Variants in NXPH1 observed in about 807,000 individuals in gnomAD.
NXPH1 encodes neurexophilin 1, also known as neurexophilin-1.
Under a neutral mutation model 23.7 loss-of-function variants are expected in NXPH1, and 5 were observed. That is an observed-to-expected ratio of 0.21 (90% CI 0.11 to 0.44). The LOEUF is 0.44. Among genes scored for constraint, NXPH1 ranks in the 20% least tolerant of loss-of-function variants. The pLI is 0.99. For synonymous variants in NXPH1, 144 were observed against 122.2 expected, an observed-to-expected ratio of 1.18 and a Z score of -1.18; for missense variants, 324 against 321.6, an observed-to-expected ratio of 1.01 and a Z score of -0.06.
At chr7:8,638,873 G>A (rs998882002) in intron 2 of NXPH1, among the ~76,000 whole-genome samples, 12 of 152,012 alleles carry the variant, frequency 7.9e-5, no homozygotes, top group Non-Finnish European at 1.3e-4. Flanking sequence ...TACGATCTTT[G>A]GGGACAGCTA....
rs927744386 is a variant in NXPH1, at chr7:8,544,688, A to G, written c.54+108921A>G. Among the ~76,000 whole-genome samples the G allele has an allele frequency of 1.1e-4, 17 of 151,680 alleles. No homozygotes were observed. In the East Asian group the frequency reaches 2.5e-3, roughly 23 times the overall value. On this transcript the variant is annotated intron_variant, in intron 2 of 2. Transcript: ENST00000405863. ...ATTATGCTTCTTAAAAATTTTACTT[A>G]TCAGTTCTAAAGTGCCTGTTTCTTT... is the stretch of plus-strand genomic sequence containing the variant.
At chr7:8,642,461 C>T (rs942830608) in intron 2 of NXPH1, among the ~76,000 whole-genome samples, 1 of 152,006 alleles carries the variant, frequency 6.6e-6, no homozygotes, top group African/African-American at 2.4e-5. Flanking sequence ...GCATGTTTTC[C>T]TTCATTTGGC....
chr7:8,481,731 G>T (rs761277910), intron 2 of NXPH1, among the ~76,000 whole-genome samples: 2 of 152,132 alleles, frequency 1.3e-5, no homozygotes, highest in Non-Finnish European at 2.9e-5. Context: ...TGTTACCTGG[G>T]TATATTGCAT....
At chr7:8,468,568 A>G (rs1471120427) in intron 2 of NXPH1, among the ~76,000 whole-genome samples, 1 of 152,002 alleles carries the variant, frequency 6.6e-6, no homozygotes, top group African/African-American at 2.4e-5. Flanking sequence ...CTTATTTTTC[A>G]TCAATACTCA....
intron 2 of NXPH1, among the ~76,000 whole-genome samples, chr7:8,487,788 A>G (rs1259996421): frequency 6.6e-6 from 1 of 152,164 alleles, no homozygotes; most frequent in East Asian, 1.9e-4. Flanking sequence ...ACCGTGGGAC[A>G]TGAGACAGCT....
intron 2 of NXPH1, among the ~76,000 whole-genome samples, chr7:8,660,436 T>C (rs2115161209): frequency 6.6e-6 from 1 of 152,302 alleles, no homozygotes; most frequent in Admixed American, 6.5e-5. Context: ...AAGCATAGTA[T>C]TTTTTGCTAA....
intron 2 of NXPH1, among the ~76,000 whole-genome samples, chr7:8,585,710 T>A (rs766220754): frequency 3.9e-5 from 6 of 152,372 alleles, no homozygotes; most frequent in South Asian, 2.1e-4. Context: ...AAAAGATGAA[T>A]GTGCATCACA....
At chr7:8,749,134 C>T (rs1780521952) in intron 2 of NXPH1, among the ~76,000 whole-genome samples, 1 of 152,160 alleles carries the variant, frequency 6.6e-6, no homozygotes, top group Non-Finnish European at 1.5e-5. Flanking sequence ...TATTTGGTTG[C>T]TTTCTCTAAT....
At chr7:8,711,127 G>C (rs1779787788) in intron 2 of NXPH1, among the ~76,000 whole-genome samples, 1 of 152,078 alleles carries the variant, frequency 6.6e-6, no homozygotes, top group Admixed American at 6.5e-5. Context: ...GAAAACTAAA[G>C]GGTGAACCAT....
intron 2 of NXPH1, among the ~76,000 whole-genome samples, chr7:8,523,380 TAG>T (rs1309263911): frequency 1.3e-5 from 2 of 152,354 alleles, no homozygotes; most frequent in East Asian, 3.9e-4. Context: ...TGAAAATTCT[TAG>T]AGTCTTTTCT....
chr7:8,643,709 A>T (rs906166532), intron 2 of NXPH1, among the ~76,000 whole-genome samples: 1 of 152,272 alleles, frequency 6.6e-6, no homozygotes, highest in African/African-American at 2.4e-5. Flanking sequence ...ACTGAACAAA[A>T]CTTTTTACTT....
At chr7:8,616,974 C>G (rs1819756762) in intron 2 of NXPH1, among the ~76,000 whole-genome samples, 1 of 151,988 alleles carries the variant, frequency 6.6e-6, no homozygotes, top group Non-Finnish European at 1.5e-5. Flanking sequence ...ATGGTGCCAG[C>G]TTGGGCCACT....
intron 2 of NXPH1, among the ~76,000 whole-genome samples, chr7:8,512,611 T>C (rs1301511125): frequency 6.6e-6 from 1 of 152,132 alleles, no homozygotes; most frequent in Non-Finnish European, 1.5e-5. Flanking sequence ...TAAAATGATT[T>C]TGATGCAAAT....
chr7:8,605,715 C>CT (rs1457696822), intron 2 of NXPH1, among the ~76,000 whole-genome samples: 1 of 151,972 alleles, frequency 6.6e-6, no homozygotes, highest in Non-Finnish European at 1.5e-5. Flanking sequence ...AATCTAAGCA[C>CT]TTTTGAAAAT....
At chr7:8,485,902 C>T (rs1198460858) in intron 2 of NXPH1, among the ~76,000 whole-genome samples, 1 of 152,036 alleles carries the variant, frequency 6.6e-6, no homozygotes, top group East Asian at 1.9e-4. Flanking sequence ...ACAGCAGCTG[C>T]CAGAACCATT....
intron 2 of NXPH1, among the ~76,000 whole-genome samples, chr7:8,575,279 C>G (rs964261320): frequency 1.3e-5 from 2 of 152,134 alleles, no homozygotes; most frequent in Non-Finnish European, 2.9e-5. Flanking sequence ...ACTTCATACT[C>G]TTTTATTTTT....
intron 2 of NXPH1, among the ~76,000 whole-genome samples, chr7:8,671,271 G>T (rs552325270): frequency 2.6e-5 from 4 of 152,306 alleles, no homozygotes; most frequent in African/African-American, 4.8e-5. Flanking sequence ...AAGAACATAT[G>T]TTTGACTAAG....
intron 2 of NXPH1, among the ~76,000 whole-genome samples, chr7:8,467,842 G>A (rs1816809582): frequency 6.6e-6 from 1 of 152,202 alleles, no homozygotes; most frequent in South Asian, 2.1e-4. Flanking sequence ...CAGGTGTTCT[G>A]CCTGTTTTCT....
intron 2 of NXPH1, among the ~76,000 whole-genome samples, chr7:8,454,700 A>G (rs1816562633): frequency 6.6e-6 from 1 of 152,180 alleles, no homozygotes; most frequent in African/African-American, 2.4e-5. Flanking sequence ...CTAGAGGAAC[A>G]TTGGTGGCTT....
Sources: gnomAD v4.1 joint callset for allele counts (sites outside exome capture counted in the v4.1 genomes callset) on GRCh38, gnomAD v4.1.1 for gene constraint, MANE v1.5 for transcripts, NCBI Gene and HGNC (gene_info 2026-07-23, HGNC 2026-07-21) for gene names.